Variants in STARD6 observed in about 807,000 individuals in gnomAD.
STARD6 encodes the protein StAR related lipid transfer domain containing 6, also known as stAR-related lipid transfer protein 6.
STARD6 carries 21 observed loss-of-function variants against 22.3 expected under a neutral mutation model. The ratio of observed to expected loss-of-function variants is 0.94; its 90% CI spans 0.67 to 1.35. The LOEUF is 1.35. STARD6 is among the 40% of genes most tolerant of loss of function. The pLI is 0.00. For synonymous variants in STARD6, 80 were observed against 88.1 expected, an observed-to-expected ratio of 0.91 and a Z score of 0.52; for missense variants, 269 against 266.9, an observed-to-expected ratio of 1.01 and a Z score of -0.05.
At chr18:54,345,557 G>A (rs1568172549) in intron 4 of STARD6, among the ~76,000 whole-genome samples, 1 of 152,096 alleles carries the variant, frequency 6.6e-6, no homozygotes, top group Non-Finnish European at 1.5e-5. Flanking sequence ...TTGAGATGGG[G>A]TCTTGCTCTG....
intron 4 of STARD6, among the ~76,000 whole-genome samples, chr18:54,350,539 C>T (rs561654441): frequency 2.6e-5 from 4 of 152,142 alleles, no homozygotes; most frequent in Non-Finnish European, 4.4e-5. Context: ...TTGAGTTCTT[C>T]GTCATGAACT....
intron 4 of STARD6, among the ~76,000 whole-genome samples, chr18:54,348,324 G>T (rs1312228564): frequency 6.6e-6 from 1 of 152,120 alleles, no homozygotes; most frequent in South Asian, 2.1e-4. Flanking sequence ...AAGTAGTAAC[G>T]ACAATGGAGG....
chr18:54,342,957 G>GCCA (rs2088988716), intron 4 of STARD6, among the ~76,000 whole-genome samples: 1 of 2,642 alleles, frequency 3.8e-4, no homozygotes, highest in Non-Finnish European at 7.8e-4. Context: ...CTGCCCGGCC[G>GCCA]CCCAGTCTGG....
chr18:54,332,193 T>C (rs952660673), intron 5 of STARD6, among the ~76,000 whole-genome samples: 11 of 152,200 alleles, frequency 7.2e-5, no homozygotes, highest in African/African-American at 2.4e-4. Flanking sequence ...TACAGTACTA[T>C]TTCTACTACT....
intron 4 of STARD6, among the ~76,000 whole-genome samples, chr18:54,349,247 G>C (rs2089069595): frequency 6.6e-6 from 1 of 152,034 alleles, no homozygotes; most frequent in Non-Finnish European, 1.5e-5. Flanking sequence ...TGGCTAGGAA[G>C]GTCATTCTGA....
intron 4 of STARD6, among the ~76,000 whole-genome samples, chr18:54,341,863 A>G (rs1047913818): frequency 1.3e-5 from 2 of 152,206 alleles, no homozygotes; most frequent in Non-Finnish European, 2.9e-5. Flanking sequence ...TTAGGAAACT[A>G]GAAAATGAAG....
chr18:54,332,809 G>A (rs1446998012), intron 5 of STARD6, among the ~76,000 whole-genome samples: 2 of 152,208 alleles, frequency 1.3e-5, no homozygotes, highest in Admixed American at 6.5e-5. Context: ...GGAGGCTGAA[G>A]TAGGATGATC....
chr18:54,327,203 AAC>A (rs2088831353), intron 7 of STARD6, among the ~76,000 whole-genome samples: 1 of 152,212 alleles, frequency 6.6e-6, no homozygotes, highest in Non-Finnish European at 1.5e-5. Context: ...TGTTTCTAAT[AAC>A]AGTTTGCATT....
In STARD6 at chr18:54,344,579, A is replaced by T. The variant is rs1244639653; in HGVS notation, c.141-7328T>A. 8.6e-4 allele frequency among the ~76,000 whole-genome samples: 66 copies of T among 76,652 alleles called. 1 individual carries two copies. In the East Asian group the frequency reaches 0.028, roughly 33 times the overall value. 50.3% of individuals were successfully genotyped at this position (76,652 alleles called of 152,430 possible). On this transcript the variant is annotated intron_variant, in intron 4 of 7. Coordinates refer to ENST00000307844, the MANE Select transcript of STARD6 (RefSeq NM_139171.2). ...ACCCAAGAATTATCAATAAAAAAATAAATTAAAAAAAAAAAAAAAAAAGAA... is the reference window on the plus strand; with the variant it reads ...ACCCAAGAATTATCAATAAAAAAATTAATTAAAAAAAAAAAAAAAAAAGAA...
chr18:54,349,306 T>A (rs1439416657), intron 4 of STARD6, among the ~76,000 whole-genome samples: 2 of 152,056 alleles, frequency 1.3e-5, no homozygotes. Context: ...GACATTAGCC[T>A]TGGAAACATT....
At chr18:54,351,829 A>C (rs1205327419) in intron 4 of STARD6, among the ~76,000 whole-genome samples, 2 of 148,450 alleles carry the variant, frequency 1.3e-5, no homozygotes, top group African/African-American at 2.5e-5. Context: ...TTTTTGATAT[A>C]CTGTTGGATT....
At chr18:54,352,589 A>C (rs2089108014) in intron 4 of STARD6, among the ~76,000 whole-genome samples, 1 of 152,188 alleles carries the variant, frequency 6.6e-6, no homozygotes, top group Non-Finnish European at 1.5e-5. Flanking sequence ...TAAGATAATA[A>C]ATGTTTAAGT....
At chr18:54,339,044 CAAAAAAAAAAAAAAAAA>C (rs760501311) in intron 4 of STARD6, among the ~76,000 whole-genome samples, 110 of 10,404 alleles carry the variant, frequency 0.011, 2 homozygotes, top group African/African-American at 0.021. Context: ...GAGACTCCAT[CAAAAAAAAAAAAAAAAA>C]AAAAAAAAAA....
At chr18:54,346,494 A>G (rs913532752) in intron 4 of STARD6, among the ~76,000 whole-genome samples, 4 of 152,086 alleles carry the variant, frequency 2.6e-5, no homozygotes, top group African/African-American at 9.7e-5. Context: ...CTCTAAAATG[A>G]TCTAGTAGTT....
At chr18:54,332,019 T>C (rs763893140) in intron 5 of STARD6, among the ~76,000 whole-genome samples, 160 bp from the exon 6 acceptor site, 6 of 152,146 alleles carry the variant, frequency 3.9e-5, no homozygotes, top group Non-Finnish European at 8.8e-5. Context: ...GGATTTTGAG[T>C]GTTAAAGGAG....
rs147004348 is a variant in STARD6, at chr18:54,351,593, G to A, written c.140+2461C>T. 4.2e-3 allele frequency among the ~76,000 whole-genome samples: 640 copies of A among 152,188 alleles called. 9 individuals carry two copies. The highest frequency in any genetic ancestry group is 0.015 in the African/African-American group (623 of 41,512). ...TGTTGGCTGTGGGTTTGTTATAGAT[G>A]GCTTTTACTTCTTTGAGGTAAGTTC... On this transcript the variant is annotated intron_variant, in intron 4 of 7. Coordinates refer to ENST00000307844, the MANE Select transcript of STARD6 (RefSeq NM_139171.2).
chr18:54,328,005 G>A (rs966483815), intron 7 of STARD6, among the ~76,000 whole-genome samples: 4 of 152,090 alleles, frequency 2.6e-5, no homozygotes, highest in Admixed American at 2.6e-4. Flanking sequence ...TCCCACCCAG[G>A]ATGTGAAATC....
At chr18:54,351,774 C>T (rs1052280013) in intron 4 of STARD6, among the ~76,000 whole-genome samples, 64 of 152,080 alleles carry the variant, frequency 4.2e-4, no homozygotes, top group Middle Eastern at 3.4e-3. Flanking sequence ...TAAACCATCC[C>T]CACATCCTGG....
intron 1 of STARD6, among the ~76,000 whole-genome samples, chr18:54,357,469 G>A (rs1056798995): frequency 6.6e-6 from 1 of 152,134 alleles, no homozygotes; most frequent in Non-Finnish European, 1.5e-5. Context: ...AGTGGTGAGG[G>A]GGGACTGCCT....
Sources: allele counts gnomAD v4.1 joint callset (sites outside exome capture counted in the v4.1 genomes callset), GRCh38; gene constraint gnomAD v4.1.1; transcripts MANE v1.5; gene names NCBI Gene and HGNC (gene_info 2026-07-23, HGNC 2026-07-21).